Variants in CYP46A1 observed in about 807,000 individuals in gnomAD.
CYP46A1 encodes cytochrome P450 family 46 subfamily A member 1.
In CYP46A1, 20 loss-of-function variants were observed where a neutral mutation model predicts 63.3. That is an observed-to-expected ratio of 0.32 (90% confidence interval 0.22 to 0.46). The LOEUF is 0.46. Among genes scored for constraint, CYP46A1 ranks in the 20% least tolerant of loss-of-function variants. The pLI is 1.00. For missense variants in CYP46A1, 445 were observed against 670.8 expected, an observed-to-expected ratio of 0.66 and a Z score of 3.72; for synonymous variants, 268 against 273.6, an observed-to-expected ratio of 0.98 and a Z score of 0.20.
intron 5 of CYP46A1, among the ~76,000 whole-genome samples, chr14:99,703,992 G>C (rs2056653893): frequency 1.3e-5 from 2 of 152,152 alleles, no homozygotes; most frequent in South Asian, 2.1e-4. Flanking sequence ...AAGCTTTGAG[G>C]TTATGGGAAA....
intron 7 of CYP46A1, chr14:99,709,740 G>A (rs1293046182): frequency 2.6e-5 from 4 of 152,160 alleles, no homozygotes; most frequent in South Asian, 2.1e-4. Flanking sequence ...AAAAATCTCC[G>A]AGTAGATTCA....
chr14:99,685,336 T>TC (rs1396121484), intron 1 of CYP46A1, among the ~76,000 whole-genome samples: 4 of 18,504 alleles, frequency 2.2e-4, no homozygotes, highest in Non-Finnish European at 4.2e-4. Flanking sequence ...GCAGCTTCCC[T>TC]CCCCCCGGGT....
intron 3 of CYP46A1, among the ~76,000 whole-genome samples, chr14:99,693,960 G>T (rs1442477006): frequency 6.6e-6 from 1 of 152,044 alleles, no homozygotes; most frequent in African/African-American, 2.4e-5. Context: ...CTGAAACTGT[G>T]TATCAGTTAA....
At chr14:99,702,788 A>G (rs2056643438) in intron 5 of CYP46A1, among the ~76,000 whole-genome samples, 1 of 152,188 alleles carries the variant, frequency 6.6e-6, no homozygotes, top group African/African-American at 2.4e-5. Flanking sequence ...TTCCATGAAC[A>G]ATGACTACAA....
At chr14:99,699,628 G>A in intron 4 of CYP46A1, 89 bp downstream of exon 4, 1 of 1,405,612 alleles carries the variant, frequency 7.1e-7, no homozygotes, top group East Asian at 2.3e-5. Flanking sequence ...GTGGGGTGTA[G>A]AATTGAGGCC....
rs372888171 is a variant in CYP46A1 at position 99,726,148 on chromosome 14, G to A, written c.1266-42G>A. 9.0e-4 allele frequency: 1,406 copies of A among 1,561,018 alleles called. 23 individuals carry two copies. The South Asian group carries it at 0.014, about 16-fold the overall frequency. ...TTCCTTATGTTGTTCCTGTGGGGACGCCTGGGGCTGCTGGCCTCGTGATTC... is the reference window on the plus strand; with the variant it reads ...TTCCTTATGTTGTTCCTGTGGGGACACCTGGGGCTGCTGGCCTCGTGATTC... On this transcript the variant is annotated intron_variant, in intron 13 of 14. Coordinates refer to ENST00000261835, the MANE Select transcript of CYP46A1 (RefSeq NM_006668.2).
chr14:99,715,812 C>G lies in CYP46A1; in HGVS notation c.696C>G (p.Phe232Leu), dbSNP rs1350698478. 1 of 1,614,160 alleles carries G rather than the reference C, an allele frequency of 6.2e-7. No individual in the cohort carries two copies. The highest frequency in any genetic ancestry group is 1.7e-5 in the Admixed American group (1 of 60,016). Residue 232 changes from phenylalanine to leucine, a missense_variant and splice_region_variant, in exon 8 of 15, where the codon TTC (phenylalanine) becomes TTG (leucine). By Grantham distance (22) the Phe-to-Leu change is conservative. This residue lies in a region of CYP46A1 where 252 missense variants were observed against 383.3 expected (regional missense o/e 0.66). Transcript: ENST00000261835. ...ITASRNTLAKFLPGKRKQLRE... is the reference protein window; with the variant it reads ...ITASRNTLAKLLPGKRKQLRE... ...CTGGAGCTGAAACTCTTGTTTAGTT[C>G]CTGCCAGGGAAGAGGAAGCAGCTCC... is the stretch of plus-strand genomic sequence containing the variant.
At chr14:99,708,827 A>G (rs528904928) in intron 7 of CYP46A1, 1 of 152,270 alleles carries the variant, frequency 6.6e-6, no homozygotes, top group South Asian at 2.1e-4. Context: ...GGCCCATCCT[A>G]CCCACTGTTG....
chr14:99,716,263 C>A, intron 9 of CYP46A1, 64 bp downstream of exon 9: 1 of 1,561,234 alleles, frequency 6.4e-7, no homozygotes, highest in Admixed American at 1.7e-5. Context: ...ACCATGGATC[C>A]CTCAAACCCA....
At chr14:99,699,161 G>T (rs2140119133) in intron 3 of CYP46A1, among the ~76,000 whole-genome samples, 1 of 152,182 alleles carries the variant, frequency 6.6e-6, no homozygotes, top group East Asian at 1.9e-4. Flanking sequence ...TTCCTGTTTT[G>T]CTGCTTTGGA....
intron 10 of CYP46A1, 31 bp downstream of exon 10, chr14:99,718,157 A>T: frequency 6.2e-7 from 1 of 1,602,566 alleles, no homozygotes; most frequent in Non-Finnish European, 8.5e-7. Context: ...GCTGGCAAAG[A>T]GGTCTGTCTG....
At chr14:99,687,768 G>A (rs954895009) in intron 1 of CYP46A1, among the ~76,000 whole-genome samples, 10 of 152,148 alleles carry the variant, frequency 6.6e-5, no homozygotes, top group Non-Finnish European at 1.3e-4. Flanking sequence ...GGTGGTGGGC[G>A]GTGGGGGATT....
At chr14:99,705,196 T>G (rs1220338128) in intron 5 of CYP46A1, among the ~76,000 whole-genome samples, 1 of 152,182 alleles carries the variant, frequency 6.6e-6, no homozygotes, top group East Asian at 1.9e-4. Flanking sequence ...TATTTTAGTT[T>G]TTCTTCTCCC....
chr14:99,708,089 C>T, intron 7 of CYP46A1: 1 of 264,392 alleles, frequency 3.8e-6, no homozygotes, highest in Middle Eastern at 1.4e-3. Context: ...CCAATCTGCC[C>T]CACCCGCTGC....
intron 1 of CYP46A1, among the ~76,000 whole-genome samples, chr14:99,690,706 C>G (rs1445604229): frequency 6.6e-6 from 1 of 152,158 alleles, no homozygotes. Context: ...TAATAACAGA[C>G]TGATCAGCCA....
intron 1 of CYP46A1, among the ~76,000 whole-genome samples, chr14:99,687,200 A>C (rs1473817559): frequency 6.6e-6 from 1 of 152,020 alleles, no homozygotes; most frequent in Non-Finnish European, 1.5e-5. Context: ...AGACCCCCAC[A>C]CTCAGATCCC....
chr14:99,685,310 T>TCCC (rs2056483878), intron 1 of CYP46A1, among the ~76,000 whole-genome samples: 1 of 12,606 alleles, frequency 7.9e-5, no homozygotes, highest in African/African-American at 3.1e-4. Flanking sequence ...AGCCTCCCCC[T>TCCC]CCCCCCGCCC....
intron 1 of CYP46A1, among the ~76,000 whole-genome samples, chr14:99,690,423 C>A (rs1294381308): frequency 2.0e-5 from 3 of 152,192 alleles, no homozygotes; most frequent in Admixed American, 2.0e-4. Flanking sequence ...CTCCGCCTTT[C>A]CCTGGGAGAA....
At chr14:99,710,065 C>T (rs1211220422) in intron 7 of CYP46A1, 6 of 152,116 alleles carry the variant, frequency 3.9e-5, no homozygotes, top group Non-Finnish European at 8.8e-5. Context: ...ACTGGCCCTA[C>T]AAGAAATGTT....
Sources: gnomAD v4.1 joint callset for allele counts (sites outside exome capture counted in the v4.1 genomes callset) on GRCh38, gnomAD v4.1.1 for gene constraint, gnomAD v4.1.1 regional missense constraint, MANE v1.5 for transcripts, NCBI Gene and HGNC (gene_info 2026-07-23, HGNC 2026-07-21) for gene names.